Variants in MAPK10 observed in about 807,000 individuals in gnomAD.
MAPK10 encodes the protein mitogen-activated protein kinase 10.
A neutral mutation model predicts 59.3 loss-of-function variants in MAPK10; 25 were observed. The ratio of observed to expected loss-of-function variants is 0.42; its 90% confidence interval spans 0.31 to 0.59. The LOEUF (loss-of-function observed/expected upper bound fraction) is 0.59. Among genes scored for constraint, MAPK10 ranks in the 20% least tolerant of loss-of-function variants. The probability of loss-of-function intolerance (pLI) is 0.15; values close to 1 mark genes in which losing one functional copy is unlikely to be tolerated. For synonymous variants in MAPK10, 190 were observed against 200.5 expected, an observed-to-expected ratio of 0.95 and a Z score of 0.44; for missense variants, 351 against 568.9, an observed-to-expected ratio of 0.62 and a Z score of 3.90.
intron 1 of MAPK10, among the ~76,000 whole-genome samples, chr4:86,500,354 G>A (rs908721594): frequency 7.2e-5 from 11 of 152,122 alleles, no homozygotes; most frequent in Non-Finnish European, 1.5e-4. Flanking sequence ...GTTCAAGCAC[G>A]TTGCAGTAAT....
At chr4:86,023,283 G>C (rs537931405) in intron 13 of MAPK10, among the ~76,000 whole-genome samples, 4 of 152,206 alleles carry the variant, frequency 2.6e-5, no homozygotes, top group South Asian at 4.2e-4. Context: ...ATTTGATTCC[G>C]TTGATCTATT....
chr4:86,372,497 C>G (rs576853519), intron 1 of MAPK10, among the ~76,000 whole-genome samples: 30 of 137,796 alleles, frequency 2.2e-4, no homozygotes, highest in Admixed American at 1.0e-3. Context: ...AGACTGGCGA[C>G]AGAGTAAGAC....
intron 2 of MAPK10, among the ~76,000 whole-genome samples, chr4:86,348,946 T>A (rs1048686144): frequency 5.3e-5 from 8 of 152,166 alleles, no homozygotes; most frequent in East Asian, 1.9e-4. Context: ...ATCTTCACCA[T>A]CCTCAACAAA....
chr4:86,295,756 TATATATATATTTTA>T lies in MAPK10; in HGVS notation c.-7+58760_-7+58773del, dbSNP rs1385935056. On this transcript the variant is annotated intron_variant, in intron 2 of 13. Transcript: ENST00000641462. ...AATATATAAATTTATATATATTTTA[TATATATATATTTTA>T]TATATATATATATTCTCTATATTTC... Among the ~76,000 whole-genome samples the T allele has an allele frequency of 7.9e-3, 1,140 of 145,072 alleles. 11 individuals are homozygous for T. The highest frequency in any genetic ancestry group is 0.027 in the African/African-American group (1,053 of 38,872).
intron 2 of MAPK10, among the ~76,000 whole-genome samples, chr4:86,255,710 G>A (rs2093678143): frequency 6.6e-6 from 1 of 151,876 alleles, no homozygotes; most frequent in Non-Finnish European, 1.5e-5. Context: ...TTTTTCTGGG[G>A]GATGGGGTGG....
At chr4:86,309,627 C>T (rs184748469) in intron 2 of MAPK10, among the ~76,000 whole-genome samples, 52 of 152,248 alleles carry the variant, frequency 3.4e-4, no homozygotes, top group African/African-American at 1.1e-3. Context: ...CAATTAGTCT[C>T]GATTCAATTC....
chr4:86,165,791 ACTGTTC>A (rs753158191), intron 3 of MAPK10, among the ~76,000 whole-genome samples: 4 of 152,056 alleles, frequency 2.6e-5, no homozygotes, highest in Non-Finnish European at 5.9e-5. Flanking sequence ...ATTTCCTCAC[ACTGTTC>A]CTTGAAGAGT....
chr4:86,058,701 T>C (rs2045126382), intron 11 of MAPK10, among the ~76,000 whole-genome samples: 1 of 150,120 alleles, frequency 6.7e-6, no homozygotes, highest in Non-Finnish European at 1.5e-5. Flanking sequence ...TCCTTATCTC[T>C]GACACCTTTA....
intron 1 of MAPK10, among the ~76,000 whole-genome samples, chr4:86,589,018 T>C (rs1010887114): frequency 8.5e-5 from 13 of 152,126 alleles, no homozygotes; most frequent in Non-Finnish European, 1.8e-4. Flanking sequence ...AGCTGAATTA[T>C]TAGGTAAAGA....
At chr4:86,477,144 T>A (rs1330492764) in intron 1 of MAPK10, among the ~76,000 whole-genome samples, 2 of 152,044 alleles carry the variant, frequency 1.3e-5, no homozygotes, top group East Asian at 1.9e-4. Flanking sequence ...GGTAAGTCCA[T>A]CCCCTTCTTA....
chr4:86,300,461 T>C (rs2095447547), intron 2 of MAPK10: 1 of 145,464 alleles, frequency 6.9e-6, no homozygotes, highest in Non-Finnish European at 1.5e-5. Context: ...TTAGATCAAT[T>C]TGGAGTTTTC....
chr4:86,094,151 C>T (rs2149056800), intron 9 of MAPK10, among the ~76,000 whole-genome samples: 1 of 152,058 alleles, frequency 6.6e-6, no homozygotes, highest in Non-Finnish European at 1.5e-5. Flanking sequence ...TCTGTAACCA[C>T]AAATTTTTGT....
chr4:86,448,309 A>AT (rs796514225), intron 1 of MAPK10, among the ~76,000 whole-genome samples: 41 of 150,836 alleles, frequency 2.7e-4, no homozygotes, highest in Non-Finnish European at 1.5e-5. Context: ...TTTTCTCTCT[A>AT]TTTTTTTGTC....
intron 2 of MAPK10, among the ~76,000 whole-genome samples, chr4:86,313,408 A>T (rs2148874492): frequency 6.6e-6 from 1 of 152,232 alleles, no homozygotes; most frequent in Middle Eastern, 3.4e-3. Context: ...TAAAATTGAA[A>T]ATCTTTTGTG....
intron 2 of MAPK10, among the ~76,000 whole-genome samples, chr4:86,223,370 G>A (rs1277053623): frequency 2.6e-5 from 4 of 152,108 alleles, no homozygotes; most frequent in African/African-American, 4.8e-5. Flanking sequence ...CATAACTTGC[G>A]TATGGACTCT....
At chr4:86,146,761 T>C (rs987819356) in intron 4 of MAPK10, among the ~76,000 whole-genome samples, 6 of 152,214 alleles carry the variant, frequency 3.9e-5, no homozygotes, top group Admixed American at 2.6e-4. Context: ...AACACTTCTA[T>C]TATGTTTGAG....
At chr4:86,127,558 A>G (rs2060273339) in intron 4 of MAPK10, 1 of 151,956 alleles carries the variant, frequency 6.6e-6, no homozygotes, top group African/African-American at 2.4e-5. Context: ...ATTTCCCCAT[A>G]ACACTTCATC....
chr4:86,551,969 A>G (rs751859931), intron 1 of MAPK10, among the ~76,000 whole-genome samples: 41 of 152,144 alleles, frequency 2.7e-4, no homozygotes, highest in African/African-American at 8.7e-4. Context: ...TTGAACCTGA[A>G]TTTTATTTTC....
At chr4:86,031,770 G>A (rs2282598) in intron 11 of MAPK10, 51,489 of 208,746 alleles carry the variant, frequency 0.25, 6,505 homozygotes, top group South Asian at 0.29. Context: ...GATTACAATG[G>A]CCCAGAAGCT....
Sources: allele counts gnomAD v4.1 joint callset (sites outside exome capture counted in the v4.1 genomes callset), GRCh38; gene constraint gnomAD v4.1.1; transcripts MANE v1.5; gene names NCBI Gene and HGNC (gene_info 2026-07-23, HGNC 2026-07-21).